NRF1: variants seen among roughly 807,000 people sequenced by gnomAD.
NRF1 encodes alpha palindromic-binding protein.
NRF1 carries 5 observed loss-of-function variants against 58.5 expected under a neutral mutation model. The observed-to-expected ratio is 0.09, with a 90% confidence interval of 0.04 to 0.18. The LOEUF is 0.18. Ranked by LOEUF, NRF1 falls within the 10% of genes least tolerant of loss-of-function variation. The pLI is 1.00. For synonymous variants in NRF1, 224 were observed against 246.7 expected (o/e 0.91, Z 0.86); for missense variants, 288 against 657.7 (o/e 0.44, Z 6.15).
chr7:129,711,558 T>G lies in NRF1; in HGVS notation c.1047T>G (p.Ser349=). Residue 349 remains serine, a synonymous_variant, in exon 8 of 11, where the codon TCT becomes TCG. Transcript: ENST00000393232. The part of the protein sequence containing the change: ...TTVTVAQVNY[S]AVADGEVEQN... Reference sequence around the variant, plus strand: ...TCACCGTTGCCCAAGTGAATTATTCTGCCGTGGCTGATGGAGAGGTAAGAA... The same window carrying G: ...TCACCGTTGCCCAAGTGAATTATTCGGCCGTGGCTGATGGAGAGGTAAGAA... 6.2e-7 allele frequency: 1 copy of G among 1,611,402 alleles called. No individual in the cohort carries two copies. Among genetic ancestry groups the G allele is most frequent in the Non-Finnish European group, 8.5e-7 (1 of 1,178,558 alleles).
At chr7:129,678,110 A>G (rs1315155268) in intron 4 of NRF1, among the ~76,000 whole-genome samples, 1 of 152,184 alleles carries the variant, frequency 6.6e-6, no homozygotes, top group Non-Finnish European at 1.5e-5. Flanking sequence ...CCAAGGTGTC[A>G]ACTTCCTGAG....
intron 1 of NRF1, among the ~76,000 whole-genome samples, chr7:129,647,060 G>T (rs1801422509): frequency 2.0e-5 from 3 of 152,138 alleles, no homozygotes; most frequent in Admixed American, 2.0e-4. Context: ...CTTCGAGATG[G>T]AGTCGCACCC....
chr7:129,737,426 A>G lies in NRF1; in HGVS notation c.1348+10061A>G, dbSNP rs544395108. ...AGATGCATTGTATTTCAACTCTATCATGAAAGGTAGCTTTTGCCATTTTTT... is the reference window on the plus strand; with the variant it reads ...AGATGCATTGTATTTCAACTCTATCGTGAAAGGTAGCTTTTGCCATTTTTT... On this transcript the variant is annotated intron_variant, in intron 10 of 10. Transcript: ENST00000393232. 1.5e-3 allele frequency among the ~76,000 whole-genome samples: 221 copies of G among 152,322 alleles called. 4 individuals carry two copies. The South Asian group carries it at 0.027, about 18-fold the overall frequency.
chr7:129,702,012 T>C (rs1044633496), intron 5 of NRF1, among the ~76,000 whole-genome samples: 1 of 152,214 alleles, frequency 6.6e-6, no homozygotes, highest in African/African-American at 2.4e-5. Context: ...TTTAATCACA[T>C]AAAACTGCCT....
intron 10 of NRF1, chr7:129,744,056 T>C: frequency 1.1e-6 from 1 of 889,676 alleles, no homozygotes; most frequent in Non-Finnish European, 1.7e-6. Flanking sequence ...GGAGCGAGGC[T>C]GTGCACCCTG....
intron 1 of NRF1, among the ~76,000 whole-genome samples, chr7:129,631,483 G>T (rs1311919266): frequency 6.6e-6 from 1 of 152,090 alleles, no homozygotes; most frequent in Non-Finnish European, 1.5e-5. Context: ...GCCCAGGCTG[G>T]TCTTAAATTC....
At chr7:129,712,072 C>T (rs1042907714) in intron 8 of NRF1, among the ~76,000 whole-genome samples, 10 of 152,098 alleles carry the variant, frequency 6.6e-5, no homozygotes, top group African/African-American at 2.4e-4. Context: ...GGGACATTAA[C>T]CTAAAGACAG....
intron 1 of NRF1, among the ~76,000 whole-genome samples, chr7:129,635,089 AT>A (rs1801139227): frequency 6.6e-6 from 1 of 152,214 alleles, no homozygotes; most frequent in Non-Finnish European, 1.5e-5. Context: ...AAAAGGCAAA[AT>A]AAAACAAGTC....
At chr7:129,674,380 A>G (rs570372924) in intron 3 of NRF1, among the ~76,000 whole-genome samples, 26 of 150,322 alleles carry the variant, frequency 1.7e-4, no homozygotes, top group Admixed American at 4.6e-4. Flanking sequence ...TACTCTGTTA[A>G]GTGTTGCAGT....
At chr7:129,718,545 T>C (rs145847826) in intron 9 of NRF1, among the ~76,000 whole-genome samples, 353 of 152,310 alleles carry the variant, frequency 2.3e-3, no homozygotes, top group Non-Finnish European at 4.0e-3. Flanking sequence ...AAAGAAATCA[T>C]ACTCTTATTG....
chr7:129,642,184 C>T (rs1182726010), intron 1 of NRF1, among the ~76,000 whole-genome samples: 3 of 151,666 alleles, frequency 2.0e-5, no homozygotes, highest in Non-Finnish European at 2.9e-5. Flanking sequence ...GGGTTTCACC[C>T]AGTTGGCCAG....
chr7:129,696,008 A>C (rs1802683770), intron 5 of NRF1, among the ~76,000 whole-genome samples: 1 of 135,926 alleles, frequency 7.4e-6, no homozygotes, highest in Non-Finnish European at 1.5e-5. Flanking sequence ...GGATCACCTG[A>C]GGTCAGGAGT....
chr7:129,732,660 TG>T (rs1354287612), intron 10 of NRF1, among the ~76,000 whole-genome samples: 2 of 152,082 alleles, frequency 1.3e-5, no homozygotes, highest in Non-Finnish European at 2.9e-5. Context: ...TGGAGTGCAG[TG>T]GCTCAATCTC....
chr7:129,753,031 T>G (rs1158186473), intron 10 of NRF1, among the ~76,000 whole-genome samples: 1 of 152,220 alleles, frequency 6.6e-6, no homozygotes, highest in Non-Finnish European at 1.5e-5. Flanking sequence ...TCATGAAGTC[T>G]CACTGCATCA....
At chr7:129,745,513 C>CA (rs1393265106) in intron 10 of NRF1, among the ~76,000 whole-genome samples, 1 of 149,502 alleles carries the variant, frequency 6.7e-6, no homozygotes, top group South Asian at 2.2e-4. Context: ...TCAACCCCCC[C>CA]CCCATCCATG....
intron 1 of NRF1, among the ~76,000 whole-genome samples, chr7:129,648,917 A>ATT (rs200283822): frequency 8.3e-6 from 1 of 121,196 alleles, no homozygotes; most frequent in Admixed American, 8.3e-5. Flanking sequence ...CTATAGCTTC[A>ATT]TTTTTTTTTT....
chr7:129,697,547 CAA>C (rs201302958), intron 5 of NRF1, among the ~76,000 whole-genome samples: 3 of 96,664 alleles, frequency 3.1e-5, no homozygotes, highest in Non-Finnish European at 2.1e-5. Context: ...GACGCAGTCT[CAA>C]AAAAAAAAAA....
intron 10 of NRF1, among the ~76,000 whole-genome samples, chr7:129,738,612 C>CGA (rs1434290528): frequency 2.0e-5 from 3 of 152,142 alleles, no homozygotes; most frequent in Non-Finnish European, 2.9e-5. Flanking sequence ...TTAGGGTCTT[C>CGA]ATCTTTTTCC....
intron 1 of NRF1, among the ~76,000 whole-genome samples, chr7:129,647,112 A>G (rs112590536): frequency 6.6e-6 from 1 of 152,020 alleles, no homozygotes; most frequent in South Asian, 2.1e-4. Context: ...ATCTTGGCTC[A>G]CTGCAACCTC....
Sources: gnomAD v4.1 joint callset for allele counts (sites outside exome capture counted in the v4.1 genomes callset) on GRCh38, gnomAD v4.1.1 for gene constraint, MANE v1.5 for transcripts, NCBI Gene and HGNC (gene_info 2026-07-23, HGNC 2026-07-21) for gene names.